The following TMEM117 variants were observed in gnomAD, a reference collection of about 807,000 sequenced individuals.
TMEM117 encodes transmembrane protein 117.
In TMEM117, 27 loss-of-function variants were observed where a neutral mutation model predicts 52.4. That is an observed-to-expected ratio of 0.51 (90% CI 0.38 to 0.71). The LOEUF (loss-of-function observed/expected upper bound fraction) is 0.71, where lower values mean the gene tolerates loss of function less well. Among genes scored for constraint, TMEM117 ranks in the 30% least tolerant of loss-of-function variants. The pLI, the probability that TMEM117 is intolerant of heterozygous loss-of-function variation, is 0.00. For missense variants in TMEM117, 556 were observed against 630.5 expected, an observed-to-expected ratio of 0.88 and a Z score of 1.26; for synonymous variants, 215 against 206.3, an observed-to-expected ratio of 1.04 and a Z score of -0.36.
At chr12:44,163,319 C>T (rs116061566) in intron 4 of TMEM117, among the ~76,000 whole-genome samples, 1,751 of 152,280 alleles carry the variant, frequency 0.011, 22 homozygotes, top group South Asian at 0.052. Flanking sequence ...TGACATAACA[C>T]TTAGGGACAT....
intron 2 of TMEM117, among the ~76,000 whole-genome samples, chr12:43,904,385 A>G (rs1353894384): frequency 6.6e-6 from 1 of 152,184 alleles, no homozygotes; most frequent in Non-Finnish European, 1.5e-5. Flanking sequence ...TAAAACAAAC[A>G]GACAAAATGA....
At chr12:44,356,864 A>G (rs886664892) in intron 6 of TMEM117, among the ~76,000 whole-genome samples, 3 of 152,124 alleles carry the variant, frequency 2.0e-5, no homozygotes, top group African/African-American at 7.2e-5. Context: ...ACTGTAGTCA[A>G]TACTCTACCT....
chr12:44,071,875 G>C (rs572142498), intron 3 of TMEM117, among the ~76,000 whole-genome samples: 14 of 152,318 alleles, frequency 9.2e-5, no homozygotes, highest in South Asian at 2.1e-4. Context: ...AGGTTTCTAG[G>C]CTCCGATCCG....
chr12:44,251,379 T>G (rs1420750478), intron 5 of TMEM117, among the ~76,000 whole-genome samples: 3 of 152,210 alleles, frequency 2.0e-5, no homozygotes, highest in African/African-American at 7.2e-5. Context: ...AAAGCCTCTT[T>G]CAGGACACTG....
intron 2 of TMEM117, among the ~76,000 whole-genome samples, chr12:43,899,796 T>G (rs574842680): frequency 8.8e-4 from 134 of 152,324 alleles, no homozygotes; most frequent in Non-Finnish European, 1.7e-3. Flanking sequence ...TCTTTAGTCC[T>G]AAGTAGTGTA....
intron 4 of TMEM117, among the ~76,000 whole-genome samples, chr12:44,163,735 T>C (rs1251559507): frequency 6.6e-6 from 1 of 152,180 alleles, no homozygotes; most frequent in Non-Finnish European, 1.5e-5. Context: ...TTAAGAGCAT[T>C]GTTGGATTGC....
chr12:44,372,461 T>C (rs1951877453), intron 6 of TMEM117, among the ~76,000 whole-genome samples: 1 of 152,106 alleles, frequency 6.6e-6, no homozygotes, highest in Non-Finnish European at 1.5e-5. Context: ...AATCACCCAT[T>C]AGTCAAATCT....
intron 3 of TMEM117, among the ~76,000 whole-genome samples, chr12:44,089,744 C>G (rs891282343): frequency 6.6e-6 from 1 of 152,124 alleles, no homozygotes; most frequent in Non-Finnish European, 1.5e-5. Context: ...TTCCTCTAAC[C>G]TTTTACAGTA....
intron 3 of TMEM117, among the ~76,000 whole-genome samples, chr12:44,026,931 T>C (rs1259294703): frequency 1.3e-5 from 2 of 151,650 alleles, no homozygotes; most frequent in East Asian, 3.9e-4. Flanking sequence ...TAATAATCTA[T>C]ATTATTATGT....
At chr12:43,934,320 A>G (rs534865683) in intron 2 of TMEM117, among the ~76,000 whole-genome samples, 9 of 152,224 alleles carry the variant, frequency 5.9e-5, no homozygotes, top group African/African-American at 2.2e-4. Flanking sequence ...TTTCATGTTG[A>G]GCAATAAGCA....
At chr12:43,978,053 A>C (rs898620146) in intron 3 of TMEM117, among the ~76,000 whole-genome samples, 3 of 152,186 alleles carry the variant, frequency 2.0e-5, no homozygotes, top group African/African-American at 7.2e-5. Context: ...GTGAGCTGGC[A>C]ATCTGGGCAT....
At chr12:43,965,906 C>T (rs1241510726) in intron 3 of TMEM117, among the ~76,000 whole-genome samples, 1 of 152,174 alleles carries the variant, frequency 6.6e-6, no homozygotes, top group Admixed American at 6.5e-5. Flanking sequence ...CACTCCATCT[C>T]TCCACCTGCT....
chr12:43,818,100 C>A, the TMEM117 span, among the ~76,000 whole-genome samples: 106 of 152,232 alleles, frequency 7.0e-4, no homozygotes, highest in Middle Eastern at 3.4e-3. Flanking sequence ...TAATTTAAGT[C>A]CACTTTCATA....
At chr12:44,355,004 A>T (rs1164672272) in intron 6 of TMEM117, among the ~76,000 whole-genome samples, 1 of 152,060 alleles carries the variant, frequency 6.6e-6, no homozygotes, top group African/African-American at 2.4e-5. Flanking sequence ...TACTCATAAT[A>T]AATACCTTTT....
chr12:44,265,946 C>G (rs1044343663), intron 5 of TMEM117, among the ~76,000 whole-genome samples: 1 of 152,136 alleles, frequency 6.6e-6, no homozygotes, highest in East Asian at 1.9e-4. Context: ...TTTTTATTCA[C>G]AAGTAATATT....
intron 4 of TMEM117, among the ~76,000 whole-genome samples, chr12:44,175,898 A>G (rs1252201896): frequency 1.3e-5 from 2 of 152,168 alleles, no homozygotes; most frequent in Non-Finnish European, 2.9e-5. Flanking sequence ...GTTTTTGTTG[A>G]TATGTAGGAA....
intron 6 of TMEM117, among the ~76,000 whole-genome samples, chr12:44,315,807 A>G (rs1460956827): frequency 6.6e-6 from 1 of 152,188 alleles, no homozygotes; most frequent in African/African-American, 2.4e-5. Flanking sequence ...TCATTATATA[A>G]TGTCCTTCTT....
chr12:43,915,623 GAATTGTCT>G (rs1458874210), intron 2 of TMEM117, among the ~76,000 whole-genome samples: 1 of 152,114 alleles, frequency 6.6e-6, no homozygotes, highest in Non-Finnish European at 1.5e-5. Flanking sequence ...GCTGGCTCTA[GAATTGTCT>G]AATTTAAAGG....
the TMEM117 span, among the ~76,000 whole-genome samples, chr12:43,803,239 C>CTTT: frequency 6.6e-6 from 1 of 152,140 alleles, no homozygotes; most frequent in Admixed American, 6.5e-5. Context: ...AAGATGGTAT[C>CTTT]ATGCAGTTTA....
Sources: allele counts gnomAD v4.1 joint callset (sites outside exome capture counted in the v4.1 genomes callset), GRCh38; gene constraint gnomAD v4.1.1; transcripts MANE v1.5; gene names NCBI Gene and HGNC (gene_info 2026-07-23, HGNC 2026-07-21).